Variants in USP9X observed in about 807,000 individuals in gnomAD.
USP9X encodes ubiquitin carboxyl-terminal hydrolase 9X.
In USP9X, 7 loss-of-function variants were observed where a neutral mutation model predicts 190.3. The ratio of observed to expected loss-of-function variants is 0.04; its 90% CI spans 0.02 to 0.07. USP9X has a LOEUF of 0.07. Ranked by LOEUF, USP9X falls within the 10% of genes least tolerant of loss-of-function variation. The pLI, the probability that USP9X is intolerant of heterozygous loss-of-function variation, is 1.00. For missense variants in USP9X, 1,010 were observed against 1,916.9 expected (o/e 0.53, Z 8.83); for synonymous variants, 645 against 659.5 (o/e 0.98, Z 0.34).
intron 38 of USP9X, among the ~76,000 whole-genome samples, chrX:41,220,651 A>G (rs1036341500): frequency 1.8e-5 from 2 of 112,314 alleles, no homozygotes; most frequent in African/African-American, 6.5e-5. Flanking sequence ...TTTGACAGCA[A>G]CTTAATGAAA....
chrX:41,106,589 GGCGCGAT>G lies in USP9X; in HGVS notation c.-158-16881_-158-16875del, dbSNP rs1464023324. ...TCTGTCACTCAGGCTGGAGTGCAATGGCGCGATCTTGGCTCACTGCAACCTCCACCTC... is the reference window on the plus strand; with the variant it reads ...TCTGTCACTCAGGCTGGAGTGCAATGCTTGGCTCACTGCAACCTCCACCTC... On this transcript the variant is annotated intron_variant, in intron 1 of 44. Coordinates refer to ENST00000378308, the MANE Select transcript of USP9X (RefSeq NM_001039591.3). Among the ~76,000 whole-genome samples, 19 of 89,089 alleles carry G rather than the reference GGCGCGAT, an allele frequency of 2.1e-4. 1 individual carries two copies. The Middle Eastern group carries it at 0.038, about 177-fold the overall frequency. 77.4% of individuals were successfully genotyped at this position (89,089 alleles called of 115,157 possible). A position where few individuals can be genotyped will look rare whatever the true frequency, so the allele number is the denominator to read the frequency against.
rs1241898703 is a variant in USP9X, at chrX:41,197,346, A to AC, written c.4234-12dup. On this transcript the variant is annotated splice_polypyrimidine_tract_variant and intron_variant, in intron 28 of 44. Transcript: ENST00000378308. ...TTTGATTTCTTCCCCCCCCCACCCC[A>AC]CCCCCCGCCTTTGGCAGGATGATGT... 20 of 288,128 alleles carry AC rather than the reference A, an allele frequency of 6.9e-5. No individual in the cohort carries two copies. The highest frequency in any genetic ancestry group is 1.6e-4 in the Admixed American group (2 of 12,236). The allele number at this position is 288,128 out of a possible 1,213,427, so 23.7% of individuals were successfully genotyped here.
chrX:41,147,789 G>C (rs779242307), intron 11 of USP9X, among the ~76,000 whole-genome samples: 1 of 112,017 alleles, frequency 8.9e-6, no homozygotes. Context: ...CGTTAAGTTC[G>C]TTTCAGTTTA....
rs911807043 is a variant in USP9X at position 41,140,192 on chromosome X, C to T, written c.655-464C>T. ...TAGTTTTTAATTGACAATTGACTCTCAGGCTATTAGTTACTGTGTTTATAG... is the reference window on the plus strand; with the variant it reads ...TAGTTTTTAATTGACAATTGACTCTTAGGCTATTAGTTACTGTGTTTATAG... On this transcript the variant is annotated intron_variant, in intron 6 of 44. Coordinates refer to ENST00000378308, the MANE Select transcript of USP9X (RefSeq NM_001039591.3). Among the ~76,000 whole-genome samples, 14 of 112,112 alleles carry T rather than the reference C, an allele frequency of 1.2e-4. No homozygotes were observed. In the Admixed American group the frequency reaches 1.3e-3, roughly 11 times the overall value.
intron 32 of USP9X, among the ~76,000 whole-genome samples, chrX:41,209,717 T>C (rs12848922): frequency 0.025 from 2,859 of 112,465 alleles, 34 homozygotes; most frequent in Non-Finnish European, 0.038. Context: ...TTAAACTTAC[T>C]GTATACAAAT....
chrX:41,164,844 AC>A (rs1165552745), intron 15 of USP9X, among the ~76,000 whole-genome samples: 1 of 112,047 alleles, frequency 8.9e-6, no homozygotes, highest in Non-Finnish European at 1.9e-5. Flanking sequence ...TTTCAAACTT[AC>A]GTAGGAGCTT....
chrX:41,192,284 T>C (rs1443058391), intron 26 of USP9X, among the ~76,000 whole-genome samples: 1 of 112,487 alleles, frequency 8.9e-6, no homozygotes, highest in Non-Finnish European at 1.9e-5. Flanking sequence ...ATGCCACATA[T>C]TCTAGTAACT....
At chrX:41,114,004 TCTA>T (rs1235371004) in intron 1 of USP9X, among the ~76,000 whole-genome samples, 2 of 112,901 alleles carry the variant, frequency 1.8e-5, no homozygotes, top group Admixed American at 9.4e-5. Context: ...TAGTACATTC[TCTA>T]CTACTGTAAT....
At chrX:41,101,682 T>TAA (rs199764787) in intron 1 of USP9X, among the ~76,000 whole-genome samples, 3 of 109,921 alleles carry the variant, frequency 2.7e-5, no homozygotes, top group Non-Finnish European at 5.7e-5. Context: ...AAAAATAAAT[T>TAA]AAAAAAAATA....
chrX:41,090,342 T>C (rs2061946400), intron 1 of USP9X, among the ~76,000 whole-genome samples: 2 of 112,040 alleles, frequency 1.8e-5, no homozygotes, highest in South Asian at 3.7e-4. Context: ...CTTACCTATA[T>C]TGGGCATTGA....
intron 15 of USP9X, among the ~76,000 whole-genome samples, chrX:41,165,481 C>T (rs1028392175): frequency 8.9e-6 from 1 of 112,272 alleles, no homozygotes; most frequent in Non-Finnish European, 1.9e-5. Flanking sequence ...CCACCTCAGC[C>T]TCCCAAAGTG....
At chrX:41,113,125 A>G (rs2062121866) in intron 1 of USP9X, among the ~76,000 whole-genome samples, 1 of 112,759 alleles carries the variant, frequency 8.9e-6, no homozygotes, top group Non-Finnish European at 1.9e-5. Context: ...TAAAAACATA[A>G]TTGAATCTGT....
chrX:41,094,904 G>A (rs1437941952), intron 1 of USP9X, among the ~76,000 whole-genome samples: 2 of 109,689 alleles, frequency 1.8e-5, no homozygotes, highest in East Asian at 5.8e-4. Flanking sequence ...GCCAGGCATG[G>A]TGGTGTGCAC....
At chrX:41,140,926 A>G (rs1206508475) in intron 7 of USP9X, 40 bp from the exon 8 acceptor site, 1 of 1,137,611 alleles carries the variant, frequency 8.8e-7, no homozygotes, top group African/African-American at 1.8e-5. Flanking sequence ...ATTTTAAGAA[A>G]TTGCGTATTT....
intron 26 of USP9X, 23 bp from the exon 27 acceptor site, chrX:41,196,228 A>G: frequency 8.3e-7 from 1 of 1,199,496 alleles, no homozygotes; most frequent in Non-Finnish European, 1.1e-6. Flanking sequence ...AATGTATTAA[A>G]TGTGAAACAT....
At chrX:41,150,888 A>G (rs1446232661) in intron 12 of USP9X, 33 bp from the exon 13 acceptor site, 1 of 1,153,841 alleles carries the variant, frequency 8.7e-7, no homozygotes, top group East Asian at 3.1e-5. Context: ...CTGAGTATTG[A>G]TCTATTTAAA....
intron 21 of USP9X, among the ~76,000 whole-genome samples, chrX:41,176,539 A>G (rs1053734517): frequency 1.8e-5 from 2 of 111,938 alleles, no homozygotes; most frequent in Admixed American, 1.9e-4. Flanking sequence ...CACAGGGGGA[A>G]GTAGAACCTG....
At chrX:41,202,177 C>T (rs1602028319) in intron 31 of USP9X, among the ~76,000 whole-genome samples, 3 of 111,911 alleles carry the variant, frequency 2.7e-5, no homozygotes, top group Admixed American at 9.5e-5. Flanking sequence ...TTAGGTTATT[C>T]TTTGAATTTC....
intron 8 of USP9X, 30 bp downstream of exon 8, chrX:41,141,247 T>TA: frequency 8.4e-7 from 1 of 1,195,396 alleles, no homozygotes; most frequent in Non-Finnish European, 1.1e-6. Context: ...AAATAATTGT[T>TA]AATGCCGATT....
Sources: allele counts gnomAD v4.1 joint callset (sites outside exome capture counted in the v4.1 genomes callset), GRCh38; gene constraint gnomAD v4.1.1; transcripts MANE v1.5; gene names NCBI Gene and HGNC (gene_info 2026-07-23, HGNC 2026-07-21).